The following EVI5 variants were observed in gnomAD, a reference collection of about 807,000 sequenced individuals.
The protein encoded by EVI5 is ecotropic viral integration site 5 protein homolog.
In EVI5, 73 loss-of-function variants were observed where a neutral mutation model predicts 112.0. That is an observed-to-expected ratio of 0.65 (90% CI 0.54 to 0.79). The LOEUF (loss-of-function observed/expected upper bound fraction) is 0.79. EVI5 is among the 30% of genes least tolerant of loss of function. The pLI, the probability that EVI5 is intolerant of heterozygous loss-of-function variation, is 0.00. For synonymous variants in EVI5, 305 were observed against 319.9 expected, an observed-to-expected ratio of 0.95 and a Z score of 0.50; for missense variants, 900 against 968.8, an observed-to-expected ratio of 0.93 and a Z score of 0.94.
At chr1:92,757,775 G>A (rs531167856) in intron 1 of EVI5, among the ~76,000 whole-genome samples, 3 of 151,654 alleles carry the variant, frequency 2.0e-5, no homozygotes, top group South Asian at 4.2e-4. Flanking sequence ...GGTGGTGCAC[G>A]CCTGTAATCC....
rs183164053 is a variant in EVI5, at chr1:92,684,763, T to G, written c.1098-7545A>C. Among the ~76,000 whole-genome samples, 8 of 151,376 alleles carry G rather than the reference T, an allele frequency of 5.3e-5. No homozygotes were observed. The East Asian group carries it at 5.8e-4, about 11-fold the overall frequency. ...AAGCATGGGTTGCAATCCTAGTCTC[T>G]GATAAAACAAACTTTAAACCAACAA... On this transcript the variant is annotated intron_variant, in intron 9 of 19. Transcript: ENST00000684568.
At chr1:92,711,484 A>G (rs1672846799) in intron 2 of EVI5, among the ~76,000 whole-genome samples, 1 of 152,188 alleles carries the variant, frequency 6.6e-6, no homozygotes, top group South Asian at 2.1e-4. Flanking sequence ...AAAACGCTGT[A>G]TGATACAAAC....
chr1:92,580,539 T>A (rs867299174), intron 18 of EVI5: 1 of 168,466 alleles, frequency 5.9e-6, no homozygotes, highest in Middle Eastern at 7.5e-4. Context: ...TAGTTTCTTG[T>A]ATCACCTCTT....
chr1:92,584,849 T>C (rs1672529504), intron 18 of EVI5, among the ~76,000 whole-genome samples: 1 of 152,192 alleles, frequency 6.6e-6, no homozygotes, highest in Admixed American at 6.6e-5. Flanking sequence ...GCTAGTATTT[T>C]TCAGTATTAA....
chr1:92,525,109 G>C (rs1471605594), intron 19 of EVI5, among the ~76,000 whole-genome samples: 1 of 151,610 alleles, frequency 6.6e-6, no homozygotes, highest in East Asian at 2.0e-4. Context: ...ATTACACGCA[G>C]GAATCACTGG....
intron 18 of EVI5, among the ~76,000 whole-genome samples, chr1:92,574,769 C>T (rs1670798021): frequency 6.6e-6 from 1 of 152,062 alleles, no homozygotes; most frequent in African/African-American, 2.4e-5. Flanking sequence ...CATTTTAAAA[C>T]ATACAATAAA....
intron 9 of EVI5, among the ~76,000 whole-genome samples, chr1:92,683,752 C>T (rs942280580): frequency 3.3e-5 from 5 of 152,018 alleles, no homozygotes; most frequent in African/African-American, 7.2e-5. Context: ...ACAAGAACTT[C>T]GTGACACATG....
chr1:92,779,919 T>C (rs1684646513), intron 1 of EVI5, among the ~76,000 whole-genome samples: 1 of 152,096 alleles, frequency 6.6e-6, no homozygotes, highest in Admixed American at 6.6e-5. Context: ...TGGACTCTAG[T>C]CTAGGTTCCC....
At chr1:92,678,568 C>A (rs544029213) in intron 9 of EVI5, among the ~76,000 whole-genome samples, 58 of 152,102 alleles carry the variant, frequency 3.8e-4, no homozygotes, top group Non-Finnish European at 5.6e-4. Context: ...AAAAGATGTC[C>A]TGAAAAGGGC....
intron 1 of EVI5, among the ~76,000 whole-genome samples, chr1:92,778,633 G>C (rs1325331658): frequency 2.6e-5 from 4 of 152,176 alleles, no homozygotes; most frequent in Admixed American, 2.6e-4. Flanking sequence ...GATAAATACA[G>C]TGGAGACAGC....
chr1:92,654,906 T>G (rs1171535343), intron 13 of EVI5, among the ~76,000 whole-genome samples: 1 of 152,152 alleles, frequency 6.6e-6, no homozygotes, highest in Admixed American at 6.5e-5. Context: ...TCTATTGAAT[T>G]AGTCCAGTCA....
chr1:92,547,798 A>G (rs190233387), intron 19 of EVI5, among the ~76,000 whole-genome samples: 40 of 146,960 alleles, frequency 2.7e-4, no homozygotes, highest in African/African-American at 9.8e-4. Context: ...CTAAATCAGG[A>G]AGAAGTTGAA....
intron 1 of EVI5, among the ~76,000 whole-genome samples, chr1:92,737,435 C>T (rs1677629016): frequency 6.6e-6 from 1 of 152,124 alleles, no homozygotes; most frequent in Non-Finnish European, 1.5e-5. Flanking sequence ...AGAAAAAAGC[C>T]TTTAAGATTC....
intron 2 of EVI5, among the ~76,000 whole-genome samples, chr1:92,728,092 G>A (rs1311556927): frequency 1.3e-5 from 2 of 151,718 alleles, no homozygotes; most frequent in African/African-American, 4.8e-5. Context: ...GGAAGCTAGA[G>A]TGACTATATT....
intron 19 of EVI5, among the ~76,000 whole-genome samples, chr1:92,550,456 T>A (rs551412193): frequency 3.0e-4 from 46 of 151,644 alleles, no homozygotes; most frequent in Admixed American, 1.3e-3. Context: ...GTAACAAACC[T>A]GCATGTTGTG....
chr1:92,741,822 A>G (rs1678462345), intron 1 of EVI5, among the ~76,000 whole-genome samples: 1 of 152,206 alleles, frequency 6.6e-6, no homozygotes, highest in African/African-American at 2.4e-5. Context: ...GACCTCTTAA[A>G]TCACAATGGA....
chr1:92,650,724 A>G (rs190915042), intron 13 of EVI5, among the ~76,000 whole-genome samples: 105 of 152,144 alleles, frequency 6.9e-4, no homozygotes, highest in Admixed American at 1.4e-3. Flanking sequence ...ATAATTTCTT[A>G]AATTACTCAA....
chr1:92,590,969 A>G (rs1314936785), intron 18 of EVI5, among the ~76,000 whole-genome samples: 1 of 152,224 alleles, frequency 6.6e-6, no homozygotes, highest in Non-Finnish European at 1.5e-5. Flanking sequence ...CAACATTCTT[A>G]AAGAAAAGAA....
chr1:92,544,056 G>C (rs551370690), intron 19 of EVI5, among the ~76,000 whole-genome samples: 1 of 152,268 alleles, frequency 6.6e-6, no homozygotes, highest in East Asian at 1.9e-4. Context: ...ATTATACTAA[G>C]TGAAAAAGCC....
Sources: gnomAD v4.1 joint callset for allele counts (sites outside exome capture counted in the v4.1 genomes callset) on GRCh38, gnomAD v4.1.1 for gene constraint, MANE v1.5 for transcripts, NCBI Gene and HGNC (gene_info 2026-07-23, HGNC 2026-07-21) for gene names.